Variants in SRBD1 observed in about 807,000 individuals in gnomAD.
SRBD1 encodes the protein S1 RNA-binding domain-containing protein 1.
In SRBD1, 88 loss-of-function variants were observed where a neutral mutation model predicts 115.3. The ratio of observed to expected loss-of-function variants is 0.76; its 90% CI spans 0.64 to 0.91. The LOEUF is 0.91. Ranked by LOEUF, SRBD1 falls within the 40% of genes least tolerant of loss-of-function variation. The pLI is 0.00. For missense variants in SRBD1, 1,385 were observed against 1,177.4 expected, an observed-to-expected ratio of 1.18 and a Z score of -2.58; for synonymous variants, 509 against 407.7, an observed-to-expected ratio of 1.25 and a Z score of -2.99.
At chr2:45,502,058 C>T (rs1670649265) in intron 14 of SRBD1, among the ~76,000 whole-genome samples, 2 of 152,190 alleles carry the variant, frequency 1.3e-5, no homozygotes, top group South Asian at 4.1e-4. Context: ...CAGACTGACA[C>T]CTCACACGGC....
chr2:45,607,919 A>G (rs1406901843), intron 1 of SRBD1, among the ~76,000 whole-genome samples: 1 of 152,206 alleles, frequency 6.6e-6, no homozygotes, highest in Non-Finnish European at 1.5e-5. Flanking sequence ...GGAGAATGGG[A>G]AGGCTTTTCT....
intron 7 of SRBD1, among the ~76,000 whole-genome samples, chr2:45,578,738 TGTAGCTACATAGGCTGAAAAAGACTA>T (rs1673253656): frequency 6.6e-6 from 1 of 152,162 alleles, no homozygotes. Flanking sequence ...GGTACAAAGT[TGTAGCTACATAGGCTGAAAAAGACTA>T]GAGTTCTAAC....
intron 16 of SRBD1, among the ~76,000 whole-genome samples, chr2:45,454,804 T>A (rs1038852825): frequency 3.2e-4 from 49 of 151,868 alleles, no homozygotes; most frequent in Admixed American, 4.6e-4. Context: ...TATCTTAACA[T>A]TATAAATTTT....
chr2:45,414,452 GT>G (rs1667703746), intron 18 of SRBD1, among the ~76,000 whole-genome samples: 1 of 150,946 alleles, frequency 6.6e-6, no homozygotes, highest in Non-Finnish European at 1.5e-5. Flanking sequence ...TAGTATATAT[GT>G]AGTATGTATA....
chr2:45,508,951 C>G (rs1316666320), intron 14 of SRBD1, among the ~76,000 whole-genome samples: 1 of 152,026 alleles, frequency 6.6e-6, no homozygotes, highest in Non-Finnish European at 1.5e-5. Context: ...AAAAAGCAGA[C>G]AGAAAAATGT....
chr2:45,513,482 A>T (rs1229072666), intron 14 of SRBD1, among the ~76,000 whole-genome samples: 1 of 152,110 alleles, frequency 6.6e-6, no homozygotes, highest in Non-Finnish European at 1.5e-5. Flanking sequence ...CACTGAGACA[A>T]ATTCTCTTCA....
At chr2:45,551,378 G>A (rs1397705108) in intron 11 of SRBD1, 96 bp from the exon 12 acceptor site, 10 of 1,206,564 alleles carry the variant, frequency 8.3e-6, no homozygotes, top group Non-Finnish European at 1.1e-5. Flanking sequence ...TTTCTCAAAG[G>A]ATAATTTATT....
At chr2:45,395,330 T>C (rs1049213322) in intron 19 of SRBD1, among the ~76,000 whole-genome samples, 8 of 152,268 alleles carry the variant, frequency 5.3e-5, no homozygotes, top group Admixed American at 2.0e-4. Flanking sequence ...CAAAGCACTG[T>C]ATGAGTCTAT....
Position 45,579,871 on chromosome 2 carries a change from G to C in SRBD1, c.1072+4C>G, listed in dbSNP as rs1673292196. ...AAGTTGATCTCTGTAAATAAAGCCA[G>C]TACCTTTAACGTCAGGCCTAATGTA... On this transcript the variant is annotated splice_donor_region_variant and intron_variant, in intron 7 of 20. Transcript: ENST00000263736. The C allele has an allele frequency of 1.3e-6, 2 of 1,553,046 alleles. No homozygotes were observed. The highest frequency in any genetic ancestry group is 2.3e-5 in the East Asian group (1 of 43,594).
chr2:45,552,813 G>C (rs1039760496), intron 11 of SRBD1, among the ~76,000 whole-genome samples: 6 of 152,110 alleles, frequency 3.9e-5, no homozygotes, highest in Admixed American at 2.0e-4. Context: ...TTTTTTAATA[G>C]TACCTGCTCA....
chr2:45,516,446 G>A (rs1331360856), intron 14 of SRBD1, among the ~76,000 whole-genome samples: 1 of 152,136 alleles, frequency 6.6e-6, no homozygotes, highest in Non-Finnish European at 1.5e-5. Flanking sequence ...CTTTAAAATG[G>A]TACTTGTCTG....
intron 18 of SRBD1, among the ~76,000 whole-genome samples, chr2:45,413,906 T>G (rs1008376375): frequency 9.9e-5 from 15 of 151,952 alleles, no homozygotes; most frequent in African/African-American, 3.1e-4. Flanking sequence ...CACTCCAGTT[T>G]GGGCAACAGA....
At chr2:45,563,893 T>C (rs1048538571) in intron 9 of SRBD1, among the ~76,000 whole-genome samples, 4 of 152,162 alleles carry the variant, frequency 2.6e-5, no homozygotes, top group Admixed American at 6.5e-5. Flanking sequence ...CAATATCCAT[T>C]CTTCACAAAC....
At chr2:45,569,806 G>A (rs1024926214) in intron 9 of SRBD1, among the ~76,000 whole-genome samples, 1 of 152,240 alleles carries the variant, frequency 6.6e-6, no homozygotes, top group South Asian at 2.1e-4. Flanking sequence ...ACATACAAAG[G>A]AAGCCAACAG....
At chr2:45,473,486 C>CT (rs1669713069) in intron 16 of SRBD1, among the ~76,000 whole-genome samples, 1 of 152,136 alleles carries the variant, frequency 6.6e-6, no homozygotes, top group African/African-American at 2.4e-5. Context: ...GAAGGGAGTA[C>CT]TTCCATCAAT....
chr2:45,571,185 G>A (rs1400525766), intron 9 of SRBD1, among the ~76,000 whole-genome samples: 1 of 152,096 alleles, frequency 6.6e-6, no homozygotes, highest in African/African-American at 2.4e-5. Flanking sequence ...CTCACTAAGT[G>A]TTGAAGGAGT....
chr2:45,445,097 C>T (rs538441144), intron 16 of SRBD1, among the ~76,000 whole-genome samples: 2 of 152,286 alleles, frequency 1.3e-5, no homozygotes, highest in East Asian at 3.9e-4. Flanking sequence ...TCTAAAGTTT[C>T]AGGCATTTAA....
intron 14 of SRBD1, among the ~76,000 whole-genome samples, chr2:45,518,937 G>C (rs1446383709): frequency 2.0e-5 from 3 of 149,360 alleles, no homozygotes; most frequent in Admixed American, 6.7e-5. Flanking sequence ...AGCTTTCTCA[G>C]GGTGAGCTCC....
intron 14 of SRBD1, among the ~76,000 whole-genome samples, chr2:45,541,980 C>T (rs1007507405): frequency 3.3e-5 from 5 of 152,258 alleles, no homozygotes; most frequent in African/African-American, 1.2e-4. Context: ...CCAGACTTCA[C>T]GTAGGCCCTG....
Sources: allele counts gnomAD v4.1 joint callset (sites outside exome capture counted in the v4.1 genomes callset), GRCh38; gene constraint gnomAD v4.1.1; transcripts MANE v1.5; gene names NCBI Gene and HGNC (gene_info 2026-07-23, HGNC 2026-07-21).